MRTFA: variants seen among roughly 807,000 people sequenced by gnomAD.
The protein encoded by MRTFA is myocardin related transcription factor A, also known as myocardin-related transcription factor A.
MRTFA carries 20 observed loss-of-function variants against 83.5 expected under a neutral mutation model. That is an observed-to-expected ratio of 0.24 (90% CI 0.17 to 0.35). The LOEUF is 0.35. MRTFA is among the 10% of genes least tolerant of loss of function. The pLI is 1.00. For missense variants in MRTFA, 1,200 were observed against 1,224.7 expected (o/e 0.98, Z 0.30); for synonymous variants, 659 against 541.2 (o/e 1.22, Z -3.02).
chr22:40,487,596 T>C (rs1457645192), intron 3 of MRTFA, among the ~76,000 whole-genome samples: 1 of 152,242 alleles, frequency 6.6e-6, no homozygotes, highest in East Asian at 1.9e-4. Flanking sequence ...ATGCCTTGAC[T>C]GGTGTTTCTC....
intron 1 of MRTFA, among the ~76,000 whole-genome samples, chr22:40,619,783 A>G (rs1164957524): frequency 1.3e-5 from 2 of 150,458 alleles, no homozygotes; most frequent in African/African-American, 4.9e-5. Flanking sequence ...CCAGCTATTC[A>G]GGAGGCTGAG....
intron 4 of MRTFA, among the ~76,000 whole-genome samples, chr22:40,455,803 AGTATGTATGTAT>A (rs3044520): frequency 2.1e-3 from 294 of 143,368 alleles, no homozygotes; most frequent in African/African-American, 6.5e-3. Context: ...ATGGTATCCC[AGTATGTATGTAT>A]GTATGTATGT....
rs955209524 is a variant in MRTFA, at chr22:40,634,431, A to G, written c.-84+2047T>C. 3.3e-5 allele frequency among the ~76,000 whole-genome samples: 5 copies of G among 152,214 alleles called. No individual in the cohort carries two copies. In the South Asian group the frequency reaches 6.2e-4, roughly 19 times the overall value. ...TTCCAAGCTGTTATTTCTCTTTGGAATTTCCTCTCCTTCATCTGAGTTAAC... is the reference window on the plus strand; with the variant it reads ...TTCCAAGCTGTTATTTCTCTTTGGAGTTTCCTCTCCTTCATCTGAGTTAAC... On this transcript the variant is annotated intron_variant, in intron 1 of 14. Transcript: ENST00000355630.
intron 3 of MRTFA, among the ~76,000 whole-genome samples, chr22:40,471,733 A>T (rs1431285248): frequency 1.3e-5 from 2 of 151,398 alleles, no homozygotes; most frequent in Non-Finnish European, 3.0e-5. Flanking sequence ...TGAGCCAGGC[A>T]TGGTGGCAAG....
intron 3 of MRTFA, among the ~76,000 whole-genome samples, chr22:40,489,451 G>A (rs1244360806): frequency 6.6e-6 from 1 of 151,808 alleles, no homozygotes; most frequent in African/African-American, 2.4e-5. Flanking sequence ...GGGACCACAG[G>A]TGTACACCAC....
At chr22:40,586,461 C>A (rs1340127738) in intron 2 of MRTFA, among the ~76,000 whole-genome samples, 6 of 152,068 alleles carry the variant, frequency 3.9e-5, no homozygotes, top group Non-Finnish European at 2.9e-5. Context: ...TAAACCCTAC[C>A]AAAACACATT....
intron 3 of MRTFA, among the ~76,000 whole-genome samples, chr22:40,517,801 AT>A (rs2054786648): frequency 6.6e-6 from 1 of 152,100 alleles, no homozygotes; most frequent in South Asian, 2.1e-4. Flanking sequence ...GCCCTTATGG[AT>A]GAGGGCTGGC....
intron 3 of MRTFA, among the ~76,000 whole-genome samples, chr22:40,536,986 G>C (rs1458783405): frequency 1.1e-5 from 1 of 91,338 alleles, no homozygotes; most frequent in African/African-American, 4.4e-5. Flanking sequence ...GTCTCCGCCC[G>C]GCAGCCACCC....
At chr22:40,442,186 A>G (rs2053289955) in intron 4 of MRTFA, among the ~76,000 whole-genome samples, 1 of 152,210 alleles carries the variant, frequency 6.6e-6, no homozygotes, top group African/African-American at 2.4e-5. Context: ...CACTATCATG[A>G]AGGAATATGT....
At chr22:40,466,163 A>C (rs578168442) in intron 3 of MRTFA, among the ~76,000 whole-genome samples, 1 of 152,334 alleles carries the variant, frequency 6.6e-6, no homozygotes, top group East Asian at 1.9e-4. Context: ...AACTTCAGTA[A>C]AACAAATTTA....
intron 4 of MRTFA, among the ~76,000 whole-genome samples, chr22:40,450,703 C>A (rs928621285): frequency 1.1e-4 from 16 of 152,112 alleles, no homozygotes; most frequent in African/African-American, 3.6e-4. Context: ...AGTGATCCAC[C>A]CACCTCAATC....
Position 40,535,523 on chromosome 22 carries a change from T to C in MRTFA, c.241+16583A>G, listed in dbSNP as rs887293401. Among the ~76,000 whole-genome samples the C allele has an allele frequency of 3.3e-5, 5 of 151,878 alleles. No homozygotes were observed. In the East Asian group the frequency reaches 9.6e-4, roughly 29 times the overall value. On this transcript the variant is annotated intron_variant, in intron 3 of 14. Coordinates refer to ENST00000355630, the MANE Select transcript of MRTFA (RefSeq NM_020831.6). ...ATATGCCACCACACCCAGCTAACTT[T>C]TGTATTTTTAGTAAAGATGGGGTTT...
chr22:40,560,419 A>C lies in MRTFA; in HGVS notation c.-21-8052T>G, dbSNP rs114332848. Among the ~76,000 whole-genome samples the C allele has an allele frequency of 6.8e-3, 1,042 of 152,328 alleles. 11 individuals carry two copies. Among genetic ancestry groups the C allele is most frequent in the African/African-American group, 0.024 (1,004 of 41,566 alleles). ...GGCATAAAATATACACATTGGATTT[A>C]TTTCTCTAACAAACACACTACTCTC... is the stretch of plus-strand genomic sequence containing the variant. On this transcript the variant is annotated intron_variant, in intron 2 of 14. Transcript: ENST00000355630.
rs1012321565 is a variant in MRTFA at position 40,424,342 on chromosome 22, G to A, written c.641C>T (p.Ser214Phe). 6.2e-6 allele frequency: 10 copies of A among 1,613,590 alleles called. No homozygotes were observed. The highest frequency in any genetic ancestry group is 8.5e-6 in the Non-Finnish European group (10 of 1,179,802). Residue 214 changes from serine to phenylalanine, a missense_variant, in exon 8 of 15, where the codon TCC becomes TTC. Transcript: ENST00000355630. ...GGCATCGCTGCTGTCCTCATCGAAGGAAGAGCTGTCTGCTACTTTGGGATA... is the reference window on the plus strand; with the variant it reads ...GGCATCGCTGCTGTCCTCATCGAAGAAAGAGCTGTCTGCTACTTTGGGATA...
Position 40,625,449 on chromosome 22 carries a change from CTAAATAAATAAATAAA to C in MRTFA, c.-84+11013_-84+11028del, listed in dbSNP as rs60700777. ...CAGGCAACATAGCAAGGCCCTCTCTCTAAATAAATAAATAAATAAATAAATAAATAAATAAATAAAT... is the reference window on the plus strand; with the variant it reads ...CAGGCAACATAGCAAGGCCCTCTCTCTAAATAAATAAATAAATAAATAAAT... On this transcript the variant is annotated intron_variant, in intron 1 of 14. Coordinates refer to ENST00000355630, the MANE Select transcript of MRTFA (RefSeq NM_020831.6). Among the ~76,000 whole-genome samples the C allele has an allele frequency of 5.5e-4, 76 of 137,564 alleles. 1 individual carries two copies. Among genetic ancestry groups the C allele is most frequent in the East Asian group, 1.7e-3 (8 of 4,658 alleles). The allele number at this position is 137,564 out of a possible 152,430, so 90.2% of individuals were successfully genotyped here. A position where few individuals can be genotyped will look rare whatever the true frequency, so the allele number is the denominator to read the frequency against.
In MRTFA at chr22:40,457,502, G is replaced by A. The variant is rs1030111290; in HGVS notation, c.307+5719C>T. On this transcript the variant is annotated intron_variant, in intron 4 of 14. Transcript: ENST00000355630. Reference sequence around the variant, plus strand: ...AGAAAGAAAGAAGGAAAGAAAGAAAGAGAAAGAAAGAAAAAGAGAGAGAGA... The same window carrying A: ...AGAAAGAAAGAAGGAAAGAAAGAAAAAGAAAGAAAGAAAAAGAGAGAGAGA... Among the ~76,000 whole-genome samples the A allele has an allele frequency of 2.3e-4, 33 of 143,760 alleles. 1 individual carries two copies. Among genetic ancestry groups the A allele is most frequent in the Admixed American group, 1.4e-3 (20 of 14,094 alleles). 94.3% of individuals were successfully genotyped at this position (143,760 alleles called of 152,430 possible).
Position 40,413,185 on chromosome 22 carries a change from A to G in MRTFA, c.2579-1278T>C, listed in dbSNP as rs571667657. On this transcript the variant is annotated intron_variant, in intron 14 of 14. Transcript: ENST00000355630. ...AAAAAGGTTATGATGGGTTGGGCACAGTGGCTCACACCTGTCATGCCAGCA... is the reference window on the plus strand; with the variant it reads ...AAAAAGGTTATGATGGGTTGGGCACGGTGGCTCACACCTGTCATGCCAGCA... 5.4e-5 allele frequency among the ~76,000 whole-genome samples: 8 copies of G among 149,016 alleles called. No individual in the cohort carries two copies. The East Asian group carries it at 1.4e-3, about 26-fold the overall frequency.
At chr22:40,554,451 T>C (rs2055490008) in intron 2 of MRTFA, among the ~76,000 whole-genome samples, 1 of 152,144 alleles carries the variant, frequency 6.6e-6, no homozygotes, top group Non-Finnish European at 1.5e-5. Context: ...GTGAGTGAGC[T>C]CTCACAAGAT....
intron 3 of MRTFA, among the ~76,000 whole-genome samples, chr22:40,517,004 C>T (rs1276661299): frequency 6.6e-6 from 1 of 152,072 alleles, no homozygotes; most frequent in East Asian, 1.9e-4. Flanking sequence ...CTCACGGCAG[C>T]CTCGACTTTC....
Sources: gnomAD v4.1 joint callset for allele counts (sites outside exome capture counted in the v4.1 genomes callset) on GRCh38, gnomAD v4.1.1 for gene constraint, MANE v1.5 for transcripts, NCBI Gene and HGNC (gene_info 2026-07-23, HGNC 2026-07-21) for gene names.